The following COL3A1 variants were observed in gnomAD, a reference collection of about 807,000 sequenced individuals.
COL3A1 encodes the protein collagen type III alpha 1 chain, also known as collagen alpha-1(III) chain.
Under a neutral mutation model 200.9 loss-of-function variants are expected in COL3A1, and 46 were observed. The observed-to-expected ratio is 0.23, with a 90% confidence interval of 0.18 to 0.29. COL3A1 has a LOEUF of 0.29. Among genes scored for constraint, COL3A1 ranks in the 10% least tolerant of loss-of-function variants. The pLI is 1.00. For synonymous variants in COL3A1, 650 were observed against 628.0 expected (o/e 1.03, Z -0.52); for missense variants, 1,367 against 1,917.6 (o/e 0.71, Z 5.36).
intron 7 of COL3A1, 105 bp from the exon 8 acceptor site, chr2:188,989,291 T>C: frequency 1.3e-6 from 1 of 761,666 alleles, no homozygotes; most frequent in Non-Finnish European, 2.2e-6. Context: ...ACATTAAAAG[T>C]ATTTTCTAAA....
Position 188,994,184 on chromosome 2 carries a change from TA to T in COL3A1, c.1195-46del. 1.2e-6 allele frequency: 2 copies of T among 1,611,404 alleles called. No homozygotes were observed. Among genetic ancestry groups the T allele is most frequent in the Middle Eastern group, 1.7e-4 (1 of 6,056 alleles). ...TTGTGATATTTAAGTGAGATATTCA[TA>T]AAAGAACATTCAAGTTCGGCTAATA... is the stretch of plus-strand genomic sequence containing the variant. On this transcript the variant is annotated intron_variant, in intron 17 of 50. Transcript: ENST00000304636. The surrounding 1 kb of genome is among the most constrained non-coding windows in gnomAD (Gnocchi z 4.5).
chr2:188,998,867 C>T, intron 29 of COL3A1, 149 bp downstream of exon 29: 1 of 785,478 alleles, frequency 1.3e-6, no homozygotes, highest in East Asian at 2.7e-5. Flanking sequence ...AAACTCAAGA[C>T]ACTTTCAATA....
Position 188,997,168 on chromosome 2 carries a change from G to T in COL3A1, c.1765G>T (p.Ala589Ser), listed in dbSNP as rs1327158014. The T allele has an allele frequency of 6.2e-7, 1 of 1,613,906 alleles. No homozygotes were observed. The highest frequency in any genetic ancestry group is 1.7e-5 in the Admixed American group (1 of 59,990). ...GFPGPKGNDGAPGKNGERGGP... is the reference protein window; with the variant it reads ...GFPGPKGNDGSPGKNGERGGP... ...ATACCGACCACTTCTTCTTTAGGGT[G>T]CTCCTGGTAAGAATGGAGAACGAGG... The change falls in exon 25 of 51, where the codon GCT becomes TCT. Residue 589 changes from alanine (A) to serine (S), a missense_variant. Transcript: ENST00000304636.
rs1430509325 is a variant in COL3A1 at position 189,006,251 on chromosome 2, G to T, written c.3085G>T (p.Gly1029Cys). The change falls in exon 42 of 51, where the codon GGT (glycine) becomes TGT (cysteine). Residue 1029 changes from glycine to cysteine, a missense_variant. Around this residue, in one of 5 missense-constraint regions of COL3A1, gnomAD observed 846 missense variants for 1,147.9 expected, o/e 0.74. Transcript: ENST00000304636. ...TCTTCCAGGCCGAGATGGATCTCCT[G>T]GTGGCAAGGTATAATAAACACATGT... is the stretch of plus-strand genomic sequence containing the variant. ...DGLPGRDGSP[G>C]GKGDRGENGS... 6.2e-7 allele frequency: 1 copy of T among 1,614,006 alleles called. No homozygotes were observed. Among genetic ancestry groups the T allele is most frequent in the Non-Finnish European group, 8.5e-7 (1 of 1,180,016 alleles).
At chr2:188,984,126 T>G (rs1688014117) in intron 1 of COL3A1, among the ~76,000 whole-genome samples, 1 of 152,072 alleles carries the variant, frequency 6.6e-6, no homozygotes, top group South Asian at 2.1e-4. Context: ...TTTGGTGATT[T>G]GGAAATGTCT....
chr2:188,999,976 C>T (rs1576468620), intron 32 of COL3A1, 81 bp downstream of exon 32: 1 of 1,373,914 alleles, frequency 7.3e-7, no homozygotes, highest in Non-Finnish European at 1.0e-6. Context: ...TAATTTTTTC[C>T]AAAAACTACT....
chr2:189,006,132 G>T (rs531021109), intron 41 of COL3A1, 74 bp from the exon 42 acceptor site: 1 of 1,482,844 alleles, frequency 6.7e-7, no homozygotes, highest in Non-Finnish European at 9.4e-7. Flanking sequence ...ATATTGCCCT[G>T]CTGAGAATGC....
chr2:189,000,317 G>A (rs1004451025), intron 32 of COL3A1, among the ~76,000 whole-genome samples: 2 of 152,154 alleles, frequency 1.3e-5, no homozygotes, highest in Admixed American at 6.5e-5. Flanking sequence ...TGTACACACA[G>A]CAAATTATAC....
chr2:189,011,002 A>G (rs1334767450), intron 50 of COL3A1, 112 bp downstream of exon 50: 1 of 1,405,392 alleles, frequency 7.1e-7, no homozygotes, highest in Non-Finnish European at 9.9e-7. Context: ...TAAAGATAGC[A>G]TTTGGTATGA....
chr2:188,999,261 G>A (rs1352111414), intron 29 of COL3A1, 24 bp from the exon 30 acceptor site: 1 of 1,547,016 alleles, frequency 6.5e-7, no homozygotes, highest in Non-Finnish European at 8.8e-7. Context: ...GTCTAATATG[G>A]TTATTTACAT....
intron 35 of COL3A1, 56 bp from the exon 36 acceptor site, chr2:189,002,899 G>A (rs1688498168): frequency 8.0e-7 from 1 of 1,242,790 alleles, no homozygotes; most frequent in African/African-American, 1.5e-5. Context: ...ATAATAATAA[G>A]CCAATTGTAT....
chr2:188,997,766 T>A lies in COL3A1; in HGVS notation c.1923+13T>A, dbSNP rs1297328714. On this transcript the variant is annotated intron_variant, in intron 27 of 50. Transcript: ENST00000304636. The stretch of plus-strand genomic sequence containing the variant: ...ACAAGGATTACAAGTAAGAACTTGT[T>A]ATTTAAATGTCACGGCATATCTGAC... The A allele has an allele frequency of 1.2e-6, 2 of 1,612,044 alleles. No individual in the cohort carries two copies.
chr2:188,992,957 A>T lies in COL3A1; in HGVS notation c.1050+17A>T. The T allele has an allele frequency of 1.9e-6, 3 of 1,612,040 alleles. No individual in the cohort carries two copies. Among genetic ancestry groups the T allele is most frequent in the Non-Finnish European group, 2.5e-6 (3 of 1,178,168 alleles). ...GGTGCTAAGGTAAACATGTGTTTCT[A>T]TAGAAGGGTATAAAAATATCTTGGA... On this transcript the variant is annotated intron_variant, in intron 15 of 50. Coordinates refer to ENST00000304636, the MANE Select transcript of COL3A1 (RefSeq NM_000090.4).
In COL3A1 at chr2:188,993,412, A is replaced by G. The variant is rs2153502282; in HGVS notation, c.1102A>G (p.Arg368Gly). ...SPGSNGAPGQ[R>G]GEPGPQGHAG... ...TGGTTCAAATGGTGCCCCTGGACAAAGAGGAGAACCTGGACCTCAGGGACA... is the reference window on the plus strand; with the variant it reads ...TGGTTCAAATGGTGCCCCTGGACAAGGAGGAGAACCTGGACCTCAGGGACA... Residue 368 changes from arginine (R) to glycine (G), a missense_variant, in exon 16 of 51, where the codon AGA becomes GGA. Coordinates refer to ENST00000304636, the MANE Select transcript of COL3A1 (RefSeq NM_000090.4). 2.6e-6 allele frequency: 4 copies of G among 1,566,894 alleles called. No individual in the cohort carries two copies. Among genetic ancestry groups the G allele is most frequent in the Middle Eastern group, 1.7e-4 (1 of 5,994 alleles).
chr2:189,003,074 C>G lies in COL3A1; in HGVS notation c.2553+12C>G. The G allele has an allele frequency of 6.5e-7, 1 of 1,530,678 alleles. No individual in the cohort carries two copies. Among genetic ancestry groups the G allele is most frequent in the Non-Finnish European group, 8.9e-7 (1 of 1,128,104 alleles). The allele number at this position is 1,530,678 out of a possible 1,614,324, so 94.8% of individuals were successfully genotyped here. ...GTTCTGGACCTGCTGTAAGTTCCTT[C>G]CTCTTTCTCTGTCTATCTATCTATC... On this transcript the variant is annotated intron_variant, in intron 36 of 50. Transcript: ENST00000304636.
chr2:188,999,195 T>C (rs879336769), intron 29 of COL3A1, 90 bp from the exon 30 acceptor site: 12 of 1,167,086 alleles, frequency 1.0e-5, no homozygotes, highest in African/African-American at 1.5e-5. Context: ...TATAATAACC[T>C]AGTGGCCTGA....
At chr2:189,002,391 G>T in intron 35 of COL3A1, 40 bp downstream of exon 35, 3 of 1,578,152 alleles carry the variant, frequency 1.9e-6, no homozygotes, top group Non-Finnish European at 2.6e-6. Flanking sequence ...CCATAGCCCA[G>T]GATCTCTATC....
At chr2:189,007,838 G>A in intron 45 of COL3A1, 47 bp from the exon 46 acceptor site, 1 of 1,603,088 alleles carries the variant, frequency 6.2e-7, no homozygotes, top group Non-Finnish European at 8.5e-7. Flanking sequence ...CAGTTTCCCA[G>A]TGCTTTTTAA....
rs550392668 is a variant in COL3A1 at position 189,011,003 on chromosome 2, T to G, written c.4254+113T>G. Reference sequence around the variant, plus strand: ...TTAATAGGATGAAATAAAGATAGCATTTGGTATGAATTACATACATTGCAT... The same window carrying G: ...TTAATAGGATGAAATAAAGATAGCAGTTGGTATGAATTACATACATTGCAT... On this transcript the variant is annotated intron_variant, in intron 50 of 50. Transcript: ENST00000304636. 114 of 1,410,256 alleles carry G rather than the reference T, an allele frequency of 8.1e-5. No homozygotes were observed. The African/African-American group carries it at 1.5e-3, about 18-fold the overall frequency. 87.4% of individuals were successfully genotyped at this position (1,410,256 alleles called of 1,614,324 possible). A position where few individuals can be genotyped will look rare whatever the true frequency, so the allele number is the denominator to read the frequency against.
Sources: allele counts gnomAD v4.1 joint callset (sites outside exome capture counted in the v4.1 genomes callset), GRCh38; gene constraint gnomAD v4.1.1; regional missense constraint gnomAD v4.1.1; non-coding constraint Gnocchi (gnomAD v3.1); transcripts MANE v1.5; gene names NCBI Gene and HGNC (gene_info 2026-07-23, HGNC 2026-07-21).